Variants in LRRC37A2 observed in about 807,000 individuals in gnomAD.
LRRC37A2 encodes the protein leucine-rich repeat-containing protein 37A2.
LRRC37A2 carries 9 observed loss-of-function variants against 68.8 expected under a neutral mutation model. The observed-to-expected ratio is 0.13, with a 90% CI of 0.08 to 0.23. The LOEUF (loss-of-function observed/expected upper bound fraction) is 0.23, where lower values mean the gene tolerates loss of function less well. Among genes scored for constraint, LRRC37A2 ranks in the 10% least tolerant of loss-of-function variants. The probability of loss-of-function intolerance (pLI) is 1.00; values close to 1 mark genes in which losing one functional copy is unlikely to be tolerated. For synonymous variants in LRRC37A2, 63 were observed against 367.6 expected, an observed-to-expected ratio of 0.17 and a Z score of 9.48; for missense variants, 168 against 950.4, an observed-to-expected ratio of 0.18 and a Z score of 10.82.
chr17:46,974,006 C>G, the LRRC37A2 span, among the ~76,000 whole-genome samples: 3 of 152,188 alleles, frequency 2.0e-5, no homozygotes, highest in Non-Finnish European at 4.4e-5. Context: ...GCCGTGCACC[C>G]CTCTATGTGA....
the LRRC37A2 span, among the ~76,000 whole-genome samples, chr17:46,992,250 C>A: frequency 7.0e-3 from 685 of 98,458 alleles, no homozygotes; most frequent in Non-Finnish European, 0.013. Context: ...CACCTGTAAT[C>A]CCAGCTATGT....
rs566332656 is a variant in LRRC37A2 at position 46,533,501 on chromosome 17, T to C, written c.2907-6675T>C. Among the ~76,000 whole-genome samples the C allele has an allele frequency of 6.1e-5, 9 of 147,220 alleles. No individual in the cohort carries two copies. In the East Asian group the frequency reaches 1.6e-3, roughly 26 times the overall value. ...CATTATGTAAGTATCTTTTTCTTTT[T>C]TTTTTTTTTCTTTATTTTGGGACAG... On this transcript the variant is annotated intron_variant, in intron 6 of 14. Coordinates refer to ENST00000576629, the Ensembl canonical transcript of LRRC37A2.
chr17:46,752,298 G>A, the LRRC37A2 span, among the ~76,000 whole-genome samples: 1 of 152,158 alleles, frequency 6.6e-6, no homozygotes, highest in East Asian at 1.9e-4. Flanking sequence ...CCTTCCATGT[G>A]CCCATGCTGT....
At chr17:46,491,731 AT>A in the LRRC37A2 span, among the ~76,000 whole-genome samples, 1 of 143,834 alleles carries the variant, frequency 7.0e-6, no homozygotes, top group East Asian at 2.0e-4. Context: ...ACCTATTTCA[AT>A]TTTTTTTCTG....
the LRRC37A2 span, among the ~76,000 whole-genome samples, chr17:46,877,309 A>G: frequency 6.6e-6 from 1 of 152,216 alleles, no homozygotes; most frequent in Non-Finnish European, 1.5e-5. Context: ...CCGTTCAGAG[A>G]AAGGAGAGCT....
chr17:46,992,468 T>A, the LRRC37A2 span, among the ~76,000 whole-genome samples: 1 of 152,194 alleles, frequency 6.6e-6, no homozygotes, highest in African/African-American at 2.4e-5. Flanking sequence ...CCACTCCAGA[T>A]GAATTAAATT....
chr17:46,777,643 A>G, the LRRC37A2 span, among the ~76,000 whole-genome samples: 20 of 152,350 alleles, frequency 1.3e-4, no homozygotes, highest in Non-Finnish European at 2.4e-4. Context: ...TTTATGTAGC[A>G]CTTGCTCTGT....
chr17:46,501,261 C>T, the LRRC37A2 span, among the ~76,000 whole-genome samples: 39 of 151,088 alleles, frequency 2.6e-4, no homozygotes, highest in East Asian at 5.8e-4. Flanking sequence ...CTGCGACCTC[C>T]GCCTCCCGGG....
chr17:46,747,425 C>T, the LRRC37A2 span, among the ~76,000 whole-genome samples: 1 of 151,996 alleles, frequency 6.6e-6, no homozygotes, highest in Non-Finnish European at 1.5e-5. Context: ...GGACGACAGG[C>T]ATTTGCCACC....
chr17:46,993,577 A>T, the LRRC37A2 span, among the ~76,000 whole-genome samples: 1 of 152,222 alleles, frequency 6.6e-6, no homozygotes. Context: ...ATCCGCAGCC[A>T]CTGGTCTCTG....
At chr17:46,730,203 A>G in the LRRC37A2 span, among the ~76,000 whole-genome samples, 2 of 152,188 alleles carry the variant, frequency 1.3e-5, no homozygotes, top group Non-Finnish European at 1.5e-5. Flanking sequence ...CCCAACATCT[A>G]CATATATTAT....
the LRRC37A2 span, among the ~76,000 whole-genome samples, chr17:46,775,608 T>TA: frequency 6.9e-6 from 1 of 145,594 alleles, no homozygotes; most frequent in East Asian, 1.9e-4. Context: ...AGCCAGAAGT[T>TA]CTTTTTTTTT....
intron 8 of LRRC37A2, among the ~76,000 whole-genome samples, chr17:46,545,042 C>T (rs1307791427): frequency 1.4e-5 from 2 of 138,600 alleles, no homozygotes; most frequent in African/African-American, 5.6e-5. Context: ...GGGAAAAATA[C>T]TGCATAGGTG....
At chr17:46,874,067 G>C in the LRRC37A2 span, among the ~76,000 whole-genome samples, 1 of 151,890 alleles carries the variant, frequency 6.6e-6, no homozygotes, top group East Asian at 1.9e-4. Context: ...TCCACGGTCT[G>C]CAGCCAAGCT....
chr17:46,779,326 G>T, the LRRC37A2 span, among the ~76,000 whole-genome samples: 97 of 152,336 alleles, frequency 6.4e-4, no homozygotes, highest in East Asian at 0.017. Context: ...TCCCAAGGGG[G>T]ATAGAGACCT....
At chr17:47,003,244 A>C in the LRRC37A2 span, among the ~76,000 whole-genome samples, 211 of 41,744 alleles carry the variant, frequency 5.1e-3, no homozygotes, top group African/African-American at 0.013. Flanking sequence ...ATAGAGACTC[A>C]AAAAAAAAAA....
chr17:46,816,087 T>C, the LRRC37A2 span, among the ~76,000 whole-genome samples: 1 of 141,202 alleles, frequency 7.1e-6, no homozygotes, highest in Non-Finnish European at 1.6e-5. Context: ...TTCCCCACAC[T>C]GTCATGAAGG....
At chr17:46,709,050 C>A in the LRRC37A2 span, among the ~76,000 whole-genome samples, 1 of 151,320 alleles carries the variant, frequency 6.6e-6, no homozygotes, top group Non-Finnish European at 1.5e-5. Context: ...GTCTCAATCT[C>A]CTGACCTCGT....
At chr17:46,914,552 G>A in the LRRC37A2 span, among the ~76,000 whole-genome samples, 4 of 147,378 alleles carry the variant, frequency 2.7e-5, no homozygotes, top group African/African-American at 1.0e-4. Context: ...TCGGGAGGCT[G>A]AGGCAGGAAA....
Sources: gnomAD v4.1 joint callset for allele counts (sites outside exome capture counted in the v4.1 genomes callset) on GRCh38, gnomAD v4.1.1 for gene constraint, MANE v1.5 for transcripts, NCBI Gene and HGNC (gene_info 2026-07-23, HGNC 2026-07-21) for gene names.